The following AIG1 variants were observed in gnomAD, a reference collection of about 807,000 sequenced individuals.
The protein encoded by AIG1 is androgen induced 1.
Under a neutral mutation model 31.4 loss-of-function variants are expected in AIG1, and 23 were observed. The observed-to-expected ratio is 0.73, with a 90% CI of 0.53 to 1.04. AIG1 has a LOEUF of 1.04. AIG1 is among the 50% of genes least tolerant of loss of function. The pLI, the probability that AIG1 is intolerant of heterozygous loss-of-function variation, is 0.00. For synonymous variants in AIG1, 100 were observed against 110.5 expected (o/e 0.90, Z 0.60); for missense variants, 274 against 295.0 (o/e 0.93, Z 0.52).
At chr6:143,151,714 GATAA>G (rs1261488241) in intron 2 of AIG1, among the ~76,000 whole-genome samples, 1 of 152,266 alleles carries the variant, frequency 6.6e-6, no homozygotes. Flanking sequence ...AAATCAGACA[GATAA>G]ATAATTTATG....
At chr6:143,257,745 C>T (rs555334697) in intron 3 of AIG1, among the ~76,000 whole-genome samples, 85 of 152,268 alleles carry the variant, frequency 5.6e-4, no homozygotes, top group Non-Finnish European at 9.7e-4. Context: ...AACCTGTCAG[C>T]GCATCATTGT....
intron 1 of AIG1, among the ~76,000 whole-genome samples, chr6:143,086,020 A>C (rs1226197560): frequency 1.3e-5 from 2 of 152,156 alleles, no homozygotes; most frequent in South Asian, 4.1e-4. Flanking sequence ...TGCTTTTTTG[A>C]CTTAGAATAG....
intron 3 of AIG1, among the ~76,000 whole-genome samples, chr6:143,207,916 T>C (rs916522041): frequency 7.2e-5 from 11 of 152,186 alleles, no homozygotes; most frequent in Admixed American, 3.3e-4. Flanking sequence ...GAGTCATGTC[T>C]TTAATTTAGG....
At chr6:143,192,302 A>C (rs1789859855) in intron 3 of AIG1, among the ~76,000 whole-genome samples, 1 of 152,144 alleles carries the variant, frequency 6.6e-6, no homozygotes. Context: ...TCCTCAACAA[A>C]AATGCCTTCT....
intron 3 of AIG1, among the ~76,000 whole-genome samples, chr6:143,247,520 G>C (rs371848089): frequency 2.5e-4 from 38 of 152,330 alleles, no homozygotes; most frequent in African/African-American, 8.7e-4. Flanking sequence ...ATCACTGTTA[G>C]ACTGTCTGGT....
At chr6:143,218,295 C>T (rs1792191065) in intron 3 of AIG1, among the ~76,000 whole-genome samples, 1 of 152,180 alleles carries the variant, frequency 6.6e-6, no homozygotes, top group Admixed American at 6.5e-5. Context: ...TGTGAAAATG[C>T]TTGGGTCACC....
intron 3 of AIG1, among the ~76,000 whole-genome samples, chr6:143,193,643 G>A (rs190602229): frequency 6.6e-6 from 1 of 152,328 alleles, no homozygotes. Context: ...GGCTTTATAT[G>A]TGAACTTCAT....
At chr6:143,286,118 A>G (rs181437309) in intron 4 of AIG1, among the ~76,000 whole-genome samples, 2 of 149,488 alleles carry the variant, frequency 1.3e-5, no homozygotes, top group African/African-American at 4.9e-5. Context: ...ATATTTCTGC[A>G]AATTCATTTA....
intron 3 of AIG1, among the ~76,000 whole-genome samples, chr6:143,168,326 A>G (rs1348007706): frequency 1.3e-5 from 2 of 151,974 alleles, no homozygotes; most frequent in Non-Finnish European, 2.9e-5. Flanking sequence ...TTACATATGT[A>G]TACATGTGCC....
chr6:143,156,130 T>A (rs1785720831), intron 2 of AIG1, among the ~76,000 whole-genome samples: 1 of 152,112 alleles, frequency 6.6e-6, no homozygotes, highest in African/African-American at 2.4e-5. Flanking sequence ...AGTATTTAGG[T>A]TGGTGCAAAC....
chr6:143,152,743 C>G (rs147748815), intron 2 of AIG1, among the ~76,000 whole-genome samples: 43 of 152,272 alleles, frequency 2.8e-4, no homozygotes, highest in Admixed American at 7.8e-4. Context: ...AAAGTTTCCT[C>G]CCTCCAGGCC....
intron 3 of AIG1, among the ~76,000 whole-genome samples, chr6:143,196,393 A>ACACACACC (rs1554256879): frequency 7.2e-6 from 1 of 139,242 alleles, no homozygotes; most frequent in Non-Finnish European, 1.6e-5. Flanking sequence ...ACACACACAC[A>ACACACACC]CACCCCAATT....
intron 2 of AIG1, among the ~76,000 whole-genome samples, chr6:143,151,377 G>C (rs1785208648): frequency 1.3e-5 from 2 of 152,126 alleles, no homozygotes; most frequent in South Asian, 4.1e-4. Flanking sequence ...ATATGTTATT[G>C]ATACAATACC....
In AIG1 at chr6:143,074,647, G is replaced by A. The variant is rs530254639; in HGVS notation, c.141+13581G>A. On this transcript the variant is annotated intron_variant, in intron 1 of 5. Transcript: ENST00000357847. ...CTGTTTTGATTACCATAGCTTTGTA[G>A]TGTAATTTAAAATAATGATGTGCGA... is the stretch of plus-strand genomic sequence containing the variant. Among the ~76,000 whole-genome samples the A allele has an allele frequency of 2.2e-3, 339 of 152,288 alleles. 2 individuals are homozygous for A. Among genetic ancestry groups the A allele is most frequent in the African/African-American group, 7.5e-3 (313 of 41,554 alleles).
chr6:143,079,975 T>G (rs1778073938), intron 1 of AIG1, among the ~76,000 whole-genome samples: 1 of 152,168 alleles, frequency 6.6e-6, no homozygotes, highest in Non-Finnish European at 1.5e-5. Flanking sequence ...CTTTTTAGCC[T>G]AATTTGTATT....
At chr6:143,241,765 C>T (rs1794258008) in intron 3 of AIG1, among the ~76,000 whole-genome samples, 1 of 152,092 alleles carries the variant, frequency 6.6e-6, no homozygotes, top group Admixed American at 6.5e-5. Context: ...GAAATGCTCG[C>T]TCCCAAACCC....
chr6:143,332,576 A>G (rs1172880882), intron 4 of AIG1, among the ~76,000 whole-genome samples: 1 of 152,208 alleles, frequency 6.6e-6, no homozygotes, highest in Non-Finnish European at 1.5e-5. Flanking sequence ...TAGGGTATGC[A>G]TGGTTGTGTC....
At chr6:143,341,331 C>T (rs2128728668), downstream of AIG1, among the ~76,000 whole-genome samples, 1 of 152,304 alleles carries the variant, frequency 6.6e-6, no homozygotes, top group South Asian at 2.1e-4. Context: ...ATCACAACTA[C>T]ATGTATCTTA....
chr6:143,189,168 C>G (rs944381922), intron 3 of AIG1: 1 of 500,052 alleles, frequency 2.0e-6, no homozygotes, highest in Non-Finnish European at 2.6e-6. Flanking sequence ...CTCAGCCCCC[C>G]AAGTAGCTGG....
Sources: allele counts gnomAD v4.1 joint callset (sites outside exome capture counted in the v4.1 genomes callset), GRCh38; gene constraint gnomAD v4.1.1; transcripts MANE v1.5; gene names NCBI Gene and HGNC (gene_info 2026-07-23, HGNC 2026-07-21).